EIPR1: variants seen among roughly 807,000 people sequenced by gnomAD.
EIPR1 encodes the protein EARP and GARP complex-interacting protein 1.
Under a neutral mutation model 48.1 loss-of-function variants are expected in EIPR1, and 25 were observed. The ratio of observed to expected loss-of-function variants is 0.52; its 90% CI spans 0.38 to 0.73. The LOEUF (loss-of-function observed/expected upper bound fraction) is 0.73. Among genes scored for constraint, EIPR1 ranks in the 30% least tolerant of loss-of-function variants. The pLI, the probability that EIPR1 is intolerant of heterozygous loss-of-function variation, is 0.00. For synonymous variants in EIPR1, 204 were observed against 201.9 expected, an observed-to-expected ratio of 1.01 and a Z score of -0.09; for missense variants, 415 against 506.2, an observed-to-expected ratio of 0.82 and a Z score of 1.73.
rs191140670 is a variant in EIPR1 at position 3,257,209 on chromosome 2, C to T, written c.416+90G>A. The T allele has an allele frequency of 4.3e-3, 5,991 of 1,408,156 alleles. 18 individuals carry two copies. The highest frequency in any genetic ancestry group is 5.2e-3 in the Non-Finnish European group (5,486 of 1,046,878). 87.2% of individuals were successfully genotyped at this position (1,408,156 alleles called of 1,614,324 possible). A position where few individuals can be genotyped will look rare whatever the true frequency, so the allele number is the denominator to read the frequency against. On this transcript the variant is annotated intron_variant, in intron 4 of 8. Transcript: ENST00000382125. The stretch of plus-strand genomic sequence containing the variant: ...GAAAGGAGCGTTTCCGAGGTGTGGA[C>T]GGTGGCTCCTGCAAAGGAATCTGCA...
chr2:3,229,907 G>A (rs1358708400), intron 4 of EIPR1, among the ~76,000 whole-genome samples: 3 of 152,120 alleles, frequency 2.0e-5, no homozygotes, highest in Non-Finnish European at 2.9e-5. Flanking sequence ...GACTTTCTGT[G>A]CTATAGATAA....
intron 7 of EIPR1, among the ~76,000 whole-genome samples, chr2:3,193,344 G>A (rs543103801): frequency 6.6e-6 from 1 of 152,308 alleles, no homozygotes; most frequent in South Asian, 2.1e-4. Flanking sequence ...TCTTTGACTT[G>A]GGGAGGATTC....
chr2:3,288,991 G>T (rs1168885279), intron 3 of EIPR1, among the ~76,000 whole-genome samples: 6 of 152,208 alleles, frequency 3.9e-5, no homozygotes, highest in Non-Finnish European at 7.3e-5. Context: ...CTGCACGGCC[G>T]TATCTCCCGC....
chr2:3,264,161 GC>G (rs1306159525), intron 3 of EIPR1, among the ~76,000 whole-genome samples: 10 of 151,918 alleles, frequency 6.6e-5, no homozygotes, highest in Non-Finnish European at 1.3e-4. Flanking sequence ...CCGCCCTCCC[GC>G]CAGCCTCTGT....
rs1054827281 is a variant in EIPR1, at chr2:3,376,849, T to C, written c.42+799A>G. 3.3e-5 allele frequency among the ~76,000 whole-genome samples: 5 copies of C among 152,216 alleles called. No homozygotes were observed. In the South Asian group the frequency reaches 1.0e-3, roughly 31 times the overall value. On this transcript the variant is annotated intron_variant, in intron 1 of 8. Transcript: ENST00000382125. ...AACACATTCTCAAAAGCTACTTGAA[T>C]AGATGAAAACCAGGACAGGGCTCTA...
Position 3,194,172 on chromosome 2 carries a change from G to C in EIPR1, c.654-6C>G. ...TCTCTATGCAGTAGATCTGGCTGAGGGAGAAGGAAGAACAGCAAAGGAAAA... is the reference window on the plus strand; with the variant it reads ...TCTCTATGCAGTAGATCTGGCTGAGCGAGAAGGAAGAACAGCAAAGGAAAA... On this transcript the variant is annotated splice_region_variant and splice_polypyrimidine_tract_variant and intron_variant, in intron 6 of 8. Transcript: ENST00000382125. 1 of 1,612,980 alleles carries C rather than the reference G, an allele frequency of 6.2e-7. No individual in the cohort carries two copies. Among genetic ancestry groups the C allele is most frequent in the Non-Finnish European group, 8.5e-7 (1 of 1,179,388 alleles).
intron 8 of EIPR1, among the ~76,000 whole-genome samples, chr2:3,190,054 C>T (rs530254445): frequency 1.4e-4 from 22 of 152,196 alleles, no homozygotes; most frequent in African/African-American, 3.9e-4. Flanking sequence ...AAGAGGAAGA[C>T]GCCCTGGCCC....
At chr2:3,232,009 T>C (rs1350955994) in intron 4 of EIPR1, among the ~76,000 whole-genome samples, 1 of 152,264 alleles carries the variant, frequency 6.6e-6, no homozygotes, top group East Asian at 1.9e-4. Flanking sequence ...ATTTAATCTC[T>C]ACTCATTGTT....
At chr2:3,296,923 G>A (rs1320983184) in intron 3 of EIPR1, among the ~76,000 whole-genome samples, 1 of 152,238 alleles carries the variant, frequency 6.6e-6, no homozygotes, top group Non-Finnish European at 1.5e-5. Context: ...AAGTCTCTCC[G>A]AGTCTCTGAC....
At chr2:3,193,616 C>A (rs2368682) in intron 7 of EIPR1, among the ~76,000 whole-genome samples, 181 of 152,222 alleles carry the variant, frequency 1.2e-3, no homozygotes, top group Non-Finnish European at 2.8e-4. Flanking sequence ...CACATTCTCC[C>A]GACAGCTGCA....
chr2:3,287,227 ACC>A (rs1558274497), intron 3 of EIPR1, among the ~76,000 whole-genome samples: 9 of 75,072 alleles, frequency 1.2e-4, no homozygotes, highest in Non-Finnish European at 3.1e-5. Context: ...AAGCTCGTTC[ACC>A]ACAATCCAGA....
chr2:3,209,736 GACTGCTTATT>G (rs1338185067), intron 5 of EIPR1, among the ~76,000 whole-genome samples: 1 of 152,178 alleles, frequency 6.6e-6, no homozygotes, highest in African/African-American at 2.4e-5. Context: ...GAGAAACCTT[GACTGCTTATT>G]ACTAAGGGAC....
At chr2:3,190,930 T>C (rs1197035443) in intron 8 of EIPR1, among the ~76,000 whole-genome samples, 1 of 147,496 alleles carries the variant, frequency 6.8e-6, no homozygotes. Context: ...GGCAAAACTC[T>C]GTCTCTACAA....
chr2:3,358,441 A>G (rs1023211879), intron 1 of EIPR1, among the ~76,000 whole-genome samples: 1 of 152,238 alleles, frequency 6.6e-6, no homozygotes, highest in African/African-American at 2.4e-5. Flanking sequence ...CCGAGAATAC[A>G]CATGTCTAGA....
intron 3 of EIPR1, among the ~76,000 whole-genome samples, chr2:3,318,562 C>T (rs765511294): frequency 6.6e-6 from 1 of 152,096 alleles, no homozygotes; most frequent in Non-Finnish European, 1.5e-5. Context: ...AGGAGTCGGC[C>T]TCGAAAAAAT....
chr2:3,286,189 T>G lies in EIPR1; in HGVS notation c.260-28734A>C, dbSNP rs1002130823. Among the ~76,000 whole-genome samples, 1 of 151,962 alleles carries G rather than the reference T, an allele frequency of 6.6e-6. No individual in the cohort carries two copies. The highest frequency in any genetic ancestry group is 6.6e-5 in the Admixed American group (1 of 15,258). On this transcript the variant is annotated intron_variant, in intron 3 of 8. Coordinates refer to ENST00000382125, the MANE Select transcript of EIPR1 (RefSeq NM_003310.5). This position sits in a 1 kb window ranked among gnomAD's most constrained non-coding sequence, Gnocchi z 4.2. ...GCTATCCCTGCCTGATTCCCCACCCTCAGAACCCATGAGCAGCACAAAAGG... is the reference window on the plus strand; with the variant it reads ...GCTATCCCTGCCTGATTCCCCACCCGCAGAACCCATGAGCAGCACAAAAGG...
rs1491346752 is a variant in EIPR1 at position 3,225,220 on chromosome 2, A to ATGTGTGTGTGTGTG, written c.417-10973_417-10972insCACACACACACACA. ...GTGTATATTTAGGTAGTACACTGTG[A>ATGTGTGTGTGTGTG]TATGTGTGTGTGTGTGTGTGTGTGT... On this transcript the variant is annotated intron_variant, in intron 4 of 8. Transcript: ENST00000382125. Among the ~76,000 whole-genome samples the ATGTGTGTGTGTGTG allele has an allele frequency of 1.0e-3, 93 of 90,428 alleles. 1 individual carries two copies. Among genetic ancestry groups the ATGTGTGTGTGTGTG allele is most frequent in the South Asian group, 4.7e-3 (11 of 2,336 alleles). 59.3% of individuals were successfully genotyped at this position (90,428 alleles called of 152,430 possible). A position where few individuals can be genotyped will look rare whatever the true frequency, so the allele number is the denominator to read the frequency against.
At chr2:3,305,069 C>T (rs1194342398) in intron 3 of EIPR1, among the ~76,000 whole-genome samples, 2 of 143,846 alleles carry the variant, frequency 1.4e-5, no homozygotes, top group African/African-American at 5.3e-5. Flanking sequence ...CCCTCCACTC[C>T]CGTCCAGTTC....
At chr2:3,287,887 C>CA (rs1553295136) in intron 3 of EIPR1, among the ~76,000 whole-genome samples, 5 of 152,218 alleles carry the variant, frequency 3.3e-5, no homozygotes, top group Admixed American at 1.3e-4. Context: ...AAAGCTCATT[C>CA]GGCATGCTGT....
Sources: allele counts gnomAD v4.1 joint callset (sites outside exome capture counted in the v4.1 genomes callset), GRCh38; gene constraint gnomAD v4.1.1; non-coding constraint Gnocchi (gnomAD v3.1); transcripts MANE v1.5; gene names NCBI Gene and HGNC (gene_info 2026-07-23, HGNC 2026-07-21).